The following TRAF3 variants were observed in gnomAD, a reference collection of about 807,000 sequenced individuals.
TRAF3 encodes the protein TNF receptor-associated factor 3.
A neutral mutation model predicts 62.3 loss-of-function variants in TRAF3; 13 were observed. That is an observed-to-expected ratio of 0.21 (90% CI 0.14 to 0.33). The LOEUF is 0.33. Among genes scored for constraint, TRAF3 ranks in the 10% least tolerant of loss-of-function variants. The pLI, the probability that TRAF3 is intolerant of heterozygous loss-of-function variation, is 1.00. For synonymous variants in TRAF3, 269 were observed against 283.4 expected (o/e 0.95, Z 0.51); for missense variants, 440 against 741.8 (o/e 0.59, Z 4.73).
chr14:102,898,819 T>C (rs951672041), intron 10 of TRAF3, among the ~76,000 whole-genome samples: 3 of 152,256 alleles, frequency 2.0e-5, no homozygotes, highest in African/African-American at 7.2e-5. Flanking sequence ...GGTATGTGAT[T>C]TCTACTTGAA....
chr14:102,821,772 G>A (rs989056532), intron 1 of TRAF3, among the ~76,000 whole-genome samples: 6 of 152,292 alleles, frequency 3.9e-5, no homozygotes, highest in East Asian at 3.9e-4. Context: ...GGCCGGGCAC[G>A]GTGGCTCACG....
At chr14:102,827,494 G>A (rs964355947) in intron 1 of TRAF3, among the ~76,000 whole-genome samples, 1 of 152,180 alleles carries the variant, frequency 6.6e-6, no homozygotes, top group East Asian at 1.9e-4. Flanking sequence ...GTAATTTTAT[G>A]CAATATTCTT....
chr14:102,780,173 C>A lies in TRAF3; in HGVS notation c.-157+2498C>A, dbSNP rs950198439. 4.6e-5 allele frequency among the ~76,000 whole-genome samples: 7 copies of A among 152,170 alleles called. No homozygotes were observed. The South Asian group carries it at 1.4e-3, about 32-fold the overall frequency. On this transcript the variant is annotated intron_variant, in intron 1 of 11. Transcript: ENST00000392745. ...ATTGTGGAAATGATGCTTAGACTTG[C>A]TTTCAGCAGGAGTGATGAAGCCAGA...
intron 5 of TRAF3, among the ~76,000 whole-genome samples, chr14:102,875,951 C>T (rs981881919): frequency 3.9e-5 from 6 of 152,002 alleles, no homozygotes; most frequent in African/African-American, 4.8e-5. Flanking sequence ...CACTCCCCCC[C>T]CTACTTAGAA....
chr14:102,823,609 G>A (rs1900110556), intron 1 of TRAF3, among the ~76,000 whole-genome samples: 1 of 152,106 alleles, frequency 6.6e-6, no homozygotes, highest in Admixed American at 6.5e-5. Context: ...GCATCTTTTG[G>A]CATAGTGGAA....
intron 6 of TRAF3, among the ~76,000 whole-genome samples, chr14:102,882,393 T>C (rs1483322902): frequency 6.6e-6 from 1 of 152,108 alleles, no homozygotes; most frequent in Non-Finnish European, 1.5e-5. Flanking sequence ...CTGCAGACAT[T>C]TCAGCAAGCA....
chr14:102,886,961 C>T lies in TRAF3; in HGVS notation c.651+692C>T, dbSNP rs1029974766. Among the ~76,000 whole-genome samples, 2 of 152,340 alleles carry T rather than the reference C, an allele frequency of 1.3e-5. 1 individual carries two copies. The highest frequency in any genetic ancestry group is 4.1e-4 in the South Asian group (2 of 4,828). On this transcript the variant is annotated intron_variant, in intron 7 of 11. Coordinates refer to ENST00000392745, the MANE Select transcript of TRAF3 (RefSeq NM_145725.3). ...AGAGACACTTCAGAACCATTTTGCT[C>T]ACACATGCCGGGTGGAGGACAGCTC...
At position 102,908,840 on chromosome 14, in the gene TRAF3, T is replaced by G. The variant is rs1464250161; in HGVS notation, c.*3056T>G. Reference sequence around the variant, plus strand: ...TTCAGGACACCGTGGCTCGGGCTGCTCCCTGCTGCCAGGCACGCTGGTTGG... The same window carrying G: ...TTCAGGACACCGTGGCTCGGGCTGCGCCCTGCTGCCAGGCACGCTGGTTGG... On this transcript the variant is annotated 3_prime_UTR_variant, in exon 12 of 12. Coordinates refer to ENST00000392745, the MANE Select transcript of TRAF3 (RefSeq NM_145725.3). The G allele has an allele frequency of 6.6e-6, 1 of 152,266 alleles. No individual in the cohort carries two copies. Among genetic ancestry groups the G allele is most frequent in the Non-Finnish European group, 1.5e-5 (1 of 68,062 alleles). 9.4% of individuals were successfully genotyped at this position (152,266 alleles called of 1,614,324 possible).
chr14:102,803,041 ACT>A (rs1393244249), intron 1 of TRAF3, among the ~76,000 whole-genome samples: 3 of 152,164 alleles, frequency 2.0e-5, no homozygotes, highest in Non-Finnish European at 4.4e-5. Context: ...GTGAGAACTC[ACT>A]GTCACAAGAA....
chr14:102,804,217 G>T (rs1034963892), intron 1 of TRAF3, among the ~76,000 whole-genome samples: 2 of 151,960 alleles, frequency 1.3e-5, no homozygotes, highest in African/African-American at 4.8e-5. Flanking sequence ...CTTCAGAGGA[G>T]TCATATGATT....
intron 1 of TRAF3, among the ~76,000 whole-genome samples, chr14:102,779,422 T>C (rs1355129451): frequency 1.3e-5 from 2 of 152,154 alleles, no homozygotes; most frequent in Non-Finnish European, 2.9e-5. Flanking sequence ...GACATTTCAC[T>C]GGAAACAGGC....
rs185605559 is a variant in TRAF3 at position 102,833,254 on chromosome 14, G to A, written c.-18+2782G>A. ...GAATGAATGAATACTGGACACAGAC[G>A]CTTTCCTTGAAGGTGGTTGGATGAT... On this transcript the variant is annotated intron_variant, in intron 2 of 11. Transcript: ENST00000392745. Among the ~76,000 whole-genome samples the A allele has an allele frequency of 1.7e-3, 265 of 152,244 alleles. 4 individuals are homozygous for A. Among genetic ancestry groups the A allele is most frequent in the East Asian group, 1.5e-3 (8 of 5,186 alleles).
intron 1 of TRAF3, among the ~76,000 whole-genome samples, chr14:102,819,284 C>T (rs538667460): frequency 6.6e-6 from 1 of 152,228 alleles, no homozygotes; most frequent in South Asian, 2.1e-4. Flanking sequence ...TGGCCACCCT[C>T]TGCTCGGGCC....
chr14:102,798,225 C>G lies in TRAF3; in HGVS notation c.-157+20550C>G, dbSNP rs538968162. 2.0e-4 allele frequency among the ~76,000 whole-genome samples: 30 copies of G among 151,714 alleles called. 1 individual carries two copies. In the East Asian group the frequency reaches 5.6e-3, roughly 29 times the overall value. On this transcript the variant is annotated intron_variant, in intron 1 of 11. Coordinates refer to ENST00000392745, the MANE Select transcript of TRAF3 (RefSeq NM_145725.3). ...CCAAATCTAGCTTAGTTCAGAAAAC[C>G]CTTTTTTTTTTTTTGAGACTGGGTC...
intron 10 of TRAF3, among the ~76,000 whole-genome samples, chr14:102,900,180 GAAAAAAAA>G (rs56203426): frequency 0.031 from 2,807 of 91,448 alleles, 66 homozygotes; most frequent in Middle Eastern, 0.059. Context: ...CTCCGTCTCG[GAAAAAAAA>G]AAAAAAAAAA....
Position 102,908,424 on chromosome 14 carries a change from T to C in TRAF3, c.*2640T>C, listed in dbSNP as rs867031266. 1 of 152,394 alleles carries C rather than the reference T, an allele frequency of 6.6e-6. No individual in the cohort carries two copies. The highest frequency in any genetic ancestry group is 1.5e-5 in the Non-Finnish European group (1 of 68,154). The allele number at this position is 152,394 out of a possible 1,614,324, so 9.4% of individuals were successfully genotyped here. On this transcript the variant is annotated 3_prime_UTR_variant, in exon 12 of 12. Transcript: ENST00000392745. The stretch of plus-strand genomic sequence containing the variant: ...TCTTCCTCTCATGTACTCAACACAG[T>C]GGGCAGCAGCCTGGGACGGCGTCCC...
intron 2 of TRAF3, among the ~76,000 whole-genome samples, chr14:102,838,135 C>T (rs1886140540): frequency 6.6e-6 from 1 of 152,196 alleles, no homozygotes; most frequent in South Asian, 2.1e-4. Context: ...GCTGAATCTT[C>T]GTACTCTAGT....
chr14:102,782,756 A>G (rs910089804), intron 1 of TRAF3, among the ~76,000 whole-genome samples: 9 of 151,768 alleles, frequency 5.9e-5, no homozygotes, highest in African/African-American at 2.2e-4. Context: ...TCATGAGGCC[A>G]TTCTACCAAG....
intron 10 of TRAF3, among the ~76,000 whole-genome samples, chr14:102,902,117 G>T (rs981972535): frequency 6.6e-6 from 1 of 152,260 alleles, no homozygotes; most frequent in South Asian, 2.1e-4. Flanking sequence ...TGAGCAGCCT[G>T]TGTGTTTTGG....
Sources: allele counts gnomAD v4.1 joint callset (sites outside exome capture counted in the v4.1 genomes callset), GRCh38; gene constraint gnomAD v4.1.1; transcripts MANE v1.5; gene names NCBI Gene and HGNC (gene_info 2026-07-23, HGNC 2026-07-21).